Variants in LRRIQ3 observed in about 807,000 individuals in gnomAD.
The protein encoded by LRRIQ3 is leucine-rich repeat and IQ domain-containing protein 3.
A neutral mutation model predicts 59.3 loss-of-function variants in LRRIQ3; 75 were observed. The observed-to-expected ratio is 1.26, with a 90% CI of 1.05 to 1.53. The LOEUF is 1.53. LRRIQ3 is among the 40% of genes most tolerant of loss of function. The pLI, the probability that LRRIQ3 is intolerant of heterozygous loss-of-function variation, is 0.00. For missense variants in LRRIQ3, 831 were observed against 710.0 expected (o/e 1.17, Z -1.94); for synonymous variants, 250 against 231.3 (o/e 1.08, Z -0.73).
In LRRIQ3 at chr1:74,037,291, C is replaced by A. The variant is rs182501374; in HGVS notation, c.1718+3922G>T. 2.0e-3 allele frequency among the ~76,000 whole-genome samples: 298 copies of A among 152,178 alleles called. 3 individuals are homozygous for A. Among genetic ancestry groups the A allele is most frequent in the African/African-American group, 6.9e-3 (288 of 41,532 alleles). On this transcript the variant is annotated intron_variant, in intron 7 of 7. Coordinates refer to ENST00000354431, the MANE Select transcript of LRRIQ3 (RefSeq NM_001105659.2). ...ATTGGAGGCTGTCATCAAAAAGAACCATAACTGCCTCCAAATCCTGCACTG... is the reference window on the plus strand; with the variant it reads ...ATTGGAGGCTGTCATCAAAAAGAACAATAACTGCCTCCAAATCCTGCACTG...
Position 74,041,281 on chromosome 1 carries a change from C to A in LRRIQ3, c.1650G>T (p.Leu550=). 2 of 1,604,438 alleles carry A rather than the reference C, an allele frequency of 1.2e-6. No individual in the cohort carries two copies. Among genetic ancestry groups the A allele is most frequent in the South Asian group, 1.1e-5 (1 of 87,412 alleles). ...KNEAVLKEKS[L]IVKQKLKAEK... ...CTGCTTTTAGTTTTTGCTTAACAAT[C>A]AGGCTTTTCTCTTTTAGGACAGCCT... is the stretch of plus-strand genomic sequence containing the variant. The change falls in exon 7 of 8, where the codon CTG becomes CTT. Residue 550 remains leucine, a synonymous_variant. Coordinates refer to ENST00000354431, the MANE Select transcript of LRRIQ3 (RefSeq NM_001105659.2).
intron 6 of LRRIQ3, among the ~76,000 whole-genome samples, chr1:74,053,177 C>CA (rs11403724): frequency 0.79 from 80,123 of 100,816 alleles, 31,891 homozygotes; most frequent in East Asian, 0.94. Flanking sequence ...CTCCACATGC[C>CA]AAAAAAAAAA....
chr1:74,172,542 A>G (rs1443952791), intron 3 of LRRIQ3, among the ~76,000 whole-genome samples: 1 of 152,148 alleles, frequency 6.6e-6, no homozygotes, highest in Non-Finnish European at 1.5e-5. Flanking sequence ...CTTGAAAGGA[A>G]TGTATATTAT....
chr1:74,067,456 T>C (rs1654899027), intron 6 of LRRIQ3, among the ~76,000 whole-genome samples: 1 of 152,110 alleles, frequency 6.6e-6, no homozygotes, highest in Non-Finnish European at 1.5e-5. Flanking sequence ...CAAAAGCTTT[T>C]TCAGTGCACT....
At chr1:74,060,245 C>G (rs1423687413) in intron 6 of LRRIQ3, among the ~76,000 whole-genome samples, 2 of 141,444 alleles carry the variant, frequency 1.4e-5, no homozygotes, top group African/African-American at 5.6e-5. Flanking sequence ...TCTTCTTCTT[C>G]TTCTTCTTCT....
At chr1:74,075,999 A>G (rs562755250) in intron 5 of LRRIQ3, among the ~76,000 whole-genome samples, 1 of 152,110 alleles carries the variant, frequency 6.6e-6, no homozygotes, top group Non-Finnish European at 1.5e-5. Flanking sequence ...TTGGCCCCAC[A>G]TCCGGCTATG....
intron 3 of LRRIQ3, among the ~76,000 whole-genome samples, chr1:74,164,316 C>T (rs767248299): frequency 1.3e-5 from 2 of 151,200 alleles, no homozygotes; most frequent in Non-Finnish European, 3.0e-5. Flanking sequence ...AAAATAAGAC[C>T]ATATGGGTGG....
At chr1:74,195,249 T>C (rs1408204234) in intron 1 of LRRIQ3, among the ~76,000 whole-genome samples, 1 of 152,148 alleles carries the variant, frequency 6.6e-6, no homozygotes, top group African/African-American at 2.4e-5. Flanking sequence ...GAGGAAACAG[T>C]GGTTAAACAG....
At chr1:74,194,816 G>A (rs1440702737) in intron 1 of LRRIQ3, among the ~76,000 whole-genome samples, 2 of 152,108 alleles carry the variant, frequency 1.3e-5, no homozygotes, top group African/African-American at 2.4e-5. Context: ...CTAAAATTAA[G>A]CCATTAATAC....
intron 3 of LRRIQ3, among the ~76,000 whole-genome samples, chr1:74,159,362 G>T (rs1218262528): frequency 6.6e-6 from 1 of 151,964 alleles, no homozygotes; most frequent in Non-Finnish European, 1.5e-5. Context: ...TACATATCTG[G>T]ACTAACTGAG....
chr1:74,109,342 T>C (rs1393716657), intron 5 of LRRIQ3, 52 bp downstream of exon 5: 2 of 1,246,238 alleles, frequency 1.6e-6, no homozygotes, highest in Non-Finnish European at 2.2e-6. Flanking sequence ...AAATCATAAC[T>C]TTAATATCTT....
At chr1:74,028,742 C>A (rs145085472) in intron 7 of LRRIQ3, among the ~76,000 whole-genome samples, 9 of 151,850 alleles carry the variant, frequency 5.9e-5, no homozygotes, top group Admixed American at 5.3e-4. Flanking sequence ...GAGGACATTT[C>A]AACTCACAGG....
At chr1:74,194,586 T>A (rs1383901845) in intron 1 of LRRIQ3, among the ~76,000 whole-genome samples, 1 of 152,160 alleles carries the variant, frequency 6.6e-6, no homozygotes, top group African/African-American at 2.4e-5. Context: ...TCAATTTTTA[T>A]TTTTATTCCA....
intron 4 of LRRIQ3, among the ~76,000 whole-genome samples, chr1:74,150,860 T>A (rs1451537637): frequency 6.6e-6 from 1 of 152,108 alleles, no homozygotes; most frequent in African/African-American, 2.4e-5. Flanking sequence ...CAAGTTCCCC[T>A]AATCATACCT....
intron 7 of LRRIQ3, among the ~76,000 whole-genome samples, chr1:74,038,149 G>A (rs1017460391): frequency 3.3e-5 from 5 of 152,142 alleles, no homozygotes; most frequent in African/African-American, 9.6e-5. Flanking sequence ...GGATAGCTTC[G>A]TCCCAAGAGG....
At chr1:74,170,584 G>C (rs1649263622) in intron 3 of LRRIQ3, among the ~76,000 whole-genome samples, 1 of 152,074 alleles carries the variant, frequency 6.6e-6, no homozygotes, top group Admixed American at 6.6e-5. Flanking sequence ...AACGTATTTT[G>C]AAACCAGTAA....
chr1:74,143,871 A>G (rs1300216477), intron 4 of LRRIQ3, among the ~76,000 whole-genome samples: 8 of 151,818 alleles, frequency 5.3e-5, no homozygotes, highest in African/African-American at 1.9e-4. Flanking sequence ...TATTAAGTAC[A>G]TTATAAATGT....
chr1:74,056,013 T>A (rs887340305), intron 6 of LRRIQ3, among the ~76,000 whole-genome samples: 8 of 151,474 alleles, frequency 5.3e-5, no homozygotes, highest in African/African-American at 1.9e-4. Context: ...GGTGTGGTGG[T>A]GGGTGCCTGT....
At chr1:74,130,528 C>G (rs1210815392) in intron 4 of LRRIQ3, among the ~76,000 whole-genome samples, 1 of 152,106 alleles carries the variant, frequency 6.6e-6, no homozygotes, top group Non-Finnish European at 1.5e-5. Flanking sequence ...TTCCTACCCT[C>G]TTGAGTGGCT....
Sources: allele counts gnomAD v4.1 joint callset (sites outside exome capture counted in the v4.1 genomes callset), GRCh38; gene constraint gnomAD v4.1.1; transcripts MANE v1.5; gene names NCBI Gene and HGNC (gene_info 2026-07-23, HGNC 2026-07-21).